MRPS25: variants seen among roughly 807,000 people sequenced by gnomAD.
The protein encoded by MRPS25 is mitochondrial ribosomal protein S25.
Under a neutral mutation model 17.3 loss-of-function variants are expected in MRPS25, and 15 were observed. The ratio of observed to expected loss-of-function variants is 0.87; its 90% confidence interval spans 0.58 to 1.34. The LOEUF (loss-of-function observed/expected upper bound fraction) is 1.34, where lower values mean the gene tolerates loss of function less well. MRPS25 is among the 40% of genes most tolerant of loss of function. The probability of loss-of-function intolerance (pLI) is 0.00; values close to 1 mark genes in which losing one functional copy is unlikely to be tolerated. For synonymous variants in MRPS25, 94 were observed against 83.3 expected (o/e 1.13, Z -0.70); for missense variants, 225 against 218.6 (o/e 1.03, Z -0.19).
In MRPS25 at chr3:15,065,313, C is replaced by A. The variant is rs1191318733; in HGVS notation, c.-119G>T. On this transcript the variant is annotated 5_prime_UTR_variant, in exon 1 of 4. Transcript: ENST00000253686. ...CTCCCCAGAGCCAGGTTCCACTTCC[C>A]GCGCAGACGCACAGGAGACGCTTCC... 2 of 1,383,202 alleles carry A rather than the reference C, an allele frequency of 1.4e-6. No homozygotes were observed. The highest frequency in any genetic ancestry group is 1.5e-5 in the South Asian group (1 of 65,726). The allele number at this position is 1,383,202 out of a possible 1,614,324, so 85.7% of individuals were successfully genotyped here.
At chr3:15,046,360 G>T (rs902568949), downstream of MRPS25, 3 of 152,228 alleles carry the variant, frequency 2.0e-5, no homozygotes, top group African/African-American at 7.2e-5. Flanking sequence ...GGATGCGTTA[G>T]GCTCCTTAAT....
At chr3:15,056,395 C>T (rs543796901) in intron 2 of MRPS25, among the ~76,000 whole-genome samples, 14 of 152,338 alleles carry the variant, frequency 9.2e-5, no homozygotes, top group African/African-American at 3.1e-4. Flanking sequence ...GAGATGTCCA[C>T]ATCCTAACCC....
At chr3:15,042,636 C>A (rs1031917990), downstream of MRPS25, 1 of 555,784 alleles carries the variant, frequency 1.8e-6, no homozygotes. Context: ...TCTGTACATA[C>A]ATTTTGTACT....
At chr3:15,054,726 TAAA>T (rs1208569212) in intron 2 of MRPS25, among the ~76,000 whole-genome samples, 5 of 152,018 alleles carry the variant, frequency 3.3e-5, no homozygotes, top group Admixed American at 3.3e-4. Flanking sequence ...AAATCAAAAT[TAAA>T]AACTTTTACA....
chr3:15,052,754 C>T, intron 3 of MRPS25, 121 bp from the exon 4 acceptor site: 1 of 1,035,850 alleles, frequency 9.7e-7, no homozygotes, highest in South Asian at 1.5e-5. Flanking sequence ...TGCCTTCTAA[C>T]CTGATCCTCA....
In MRPS25 at chr3:15,049,941, A is replaced by C; in HGVS notation, c.*2500T>G. ...ATGGTGCTGCCAGGTAGTGCCTCAAAGAGAAGAAAAGTGGTCACTTCAGAA... is the reference window on the plus strand; with the variant it reads ...ATGGTGCTGCCAGGTAGTGCCTCAACGAGAAGAAAAGTGGTCACTTCAGAA... On this transcript the variant is annotated 3_prime_UTR_variant, in exon 4 of 4. Coordinates refer to ENST00000253686, the MANE Select transcript of MRPS25 (RefSeq NM_022497.5). 1 of 1,530,488 alleles carries C rather than the reference A, an allele frequency of 6.5e-7. No individual in the cohort carries two copies. Among genetic ancestry groups the C allele is most frequent in the Non-Finnish European group, 8.7e-7 (1 of 1,145,434 alleles). The allele number at this position is 1,530,488 out of a possible 1,614,324, so 94.8% of individuals were successfully genotyped here.
At chr3:15,044,049 C>T (rs1325083327), downstream of MRPS25, 1 of 152,092 alleles carries the variant, frequency 6.6e-6, no homozygotes, top group African/African-American at 2.4e-5. Context: ...TGAGCGTTAC[C>T]TTCCCAGGGC....
chr3:15,056,716 TG>T (rs2042677889), intron 2 of MRPS25, among the ~76,000 whole-genome samples: 1 of 152,256 alleles, frequency 6.6e-6, no homozygotes, highest in South Asian at 2.1e-4. Flanking sequence ...CTGCTGACAC[TG>T]GTTCCAGCCC....
In MRPS25 at chr3:15,048,890, G is replaced by GTGT. The variant is rs775018747; in HGVS notation, c.*3548_*3550dup. 6.6e-6 allele frequency: 1 copy of GTGT among 152,630 alleles called. No individual in the cohort carries two copies. The allele number at this position is 152,630 out of a possible 1,614,324, so 9.5% of individuals were successfully genotyped here. ...ATCTATCTATCAAAGGAAAATTTGGGTGTTAGATTTTCTTGGGACCGTTTC... is the reference window on the plus strand; with the variant it reads ...ATCTATCTATCAAAGGAAAATTTGGGTGTTGTTAGATTTTCTTGGGACCGTTTC... On this transcript the variant is annotated 3_prime_UTR_variant, in exon 4 of 4. Transcript: ENST00000253686.
In MRPS25 at chr3:15,065,246, G is replaced by A; in HGVS notation, c.-52C>T. On this transcript the variant is annotated 5_prime_UTR_variant, in exon 1 of 4. Transcript: ENST00000253686. ...CACGGGCCGCGAGCCGAGCAGCGAC[G>A]AGAAAGGACTAGCTAGCACCCGCGC... The A allele has an allele frequency of 6.5e-7, 1 of 1,540,100 alleles. No individual in the cohort carries two copies. Among genetic ancestry groups the A allele is most frequent in the South Asian group, 1.2e-5 (1 of 82,612 alleles).
chr3:15,064,195 G>C (rs2042821684), intron 1 of MRPS25, among the ~76,000 whole-genome samples: 1 of 152,084 alleles, frequency 6.6e-6, no homozygotes, highest in African/African-American at 2.4e-5. Context: ...CATCACTGCT[G>C]AACTCCCAGC....
Position 15,050,462 on chromosome 3 carries a change from G to A in MRPS25, c.*1979C>T. 1 of 983,598 alleles carries A rather than the reference G, an allele frequency of 1.0e-6. No individual in the cohort carries two copies. The highest frequency in any genetic ancestry group is 1.2e-6 in the Non-Finnish European group (1 of 829,634). 60.9% of individuals were successfully genotyped at this position (983,598 alleles called of 1,614,324 possible). Reference sequence around the variant, plus strand: ...GGAAGGAATACTCTCATAAGGCTTTGTGTGTCACTAGCTATGGAGACCTAC... The same window carrying A: ...GGAAGGAATACTCTCATAAGGCTTTATGTGTCACTAGCTATGGAGACCTAC... On this transcript the variant is annotated 3_prime_UTR_variant, in exon 4 of 4. Coordinates refer to ENST00000253686, the MANE Select transcript of MRPS25 (RefSeq NM_022497.5).
chr3:15,061,246 C>T (rs975705250), intron 1 of MRPS25, among the ~76,000 whole-genome samples: 8 of 152,290 alleles, frequency 5.3e-5, no homozygotes, highest in South Asian at 2.1e-4. Flanking sequence ...CCTCTTTCCA[C>T]GGTCTCCCTC....
chr3:15,050,299 C>T lies in MRPS25; in HGVS notation c.*2142G>A, dbSNP rs2042585346. On this transcript the variant is annotated 3_prime_UTR_variant, in exon 4 of 4. Transcript: ENST00000253686. The stretch of plus-strand genomic sequence containing the variant: ...GGGCTGTCCACCTCACTGCCCATTG[C>T]TCCTGTGTCAAGCCTGAACTCAAAC... The T allele has an allele frequency of 9.2e-7, 1 of 1,091,670 alleles. No homozygotes were observed. The highest frequency in any genetic ancestry group is 1.1e-6 in the Non-Finnish European group (1 of 898,094). The allele number at this position is 1,091,670 out of a possible 1,614,324, so 67.6% of individuals were successfully genotyped here. A position where few individuals can be genotyped will look rare whatever the true frequency, so the allele number is the denominator to read the frequency against.
intron 1 of MRPS25, among the ~76,000 whole-genome samples, chr3:15,062,748 C>G (rs1474464694): frequency 6.6e-6 from 1 of 152,078 alleles, no homozygotes; most frequent in Non-Finnish European, 1.5e-5. Flanking sequence ...GCCTTGGGAT[C>G]CTGTTGATCT....
At position 15,050,019 on chromosome 3, in the gene MRPS25, A is replaced by C; in HGVS notation, c.*2422T>G. 1 of 1,464,640 alleles carries C rather than the reference A, an allele frequency of 6.8e-7. No individual in the cohort carries two copies. Among genetic ancestry groups the C allele is most frequent in the Non-Finnish European group, 8.9e-7 (1 of 1,123,124 alleles). The allele number at this position is 1,464,640 out of a possible 1,614,324, so 90.7% of individuals were successfully genotyped here. On this transcript the variant is annotated 3_prime_UTR_variant, in exon 4 of 4. Coordinates refer to ENST00000253686, the MANE Select transcript of MRPS25 (RefSeq NM_022497.5). ...TAAAATTAAGAACATGTTATCAATT[A>C]TAAAATCCTCACATTTTCTCTAATT...
chr3:15,043,091 G>A (rs1403935561), downstream of MRPS25: 25 of 1,338,388 alleles, frequency 1.9e-5, no homozygotes, highest in Non-Finnish European at 2.3e-5. Context: ...ATTTTGGTAT[G>A]TGCAAATATT....
chr3:15,062,423 C>T (rs1215495086), intron 1 of MRPS25, among the ~76,000 whole-genome samples: 1 of 50,894 alleles, frequency 2.0e-5, no homozygotes, highest in Non-Finnish European at 4.3e-5. Flanking sequence ...CCCGGCCAGC[C>T]GCCCCATCCG....
At chr3:15,053,548 CT>C in intron 2 of MRPS25, 81 bp from the exon 3 acceptor site, 1 of 1,449,146 alleles carries the variant, frequency 6.9e-7, no homozygotes, top group Non-Finnish European at 9.7e-7. Flanking sequence ...TTGGGACTTG[CT>C]TTTAGTGGCA....
Sources: allele counts gnomAD v4.1 joint callset (sites outside exome capture counted in the v4.1 genomes callset), GRCh38; gene constraint gnomAD v4.1.1; transcripts MANE v1.5; gene names NCBI Gene and HGNC (gene_info 2026-07-23, HGNC 2026-07-21).